The following CYREN variants were observed in gnomAD, a reference collection of about 807,000 sequenced individuals.
CYREN encodes the protein cell cycle regulator of non-homologous end joining.
Under a neutral mutation model 9.7 loss-of-function variants are expected in CYREN, and 7 were observed. That is an observed-to-expected ratio of 0.72 (90% CI 0.41 to 1.36). The LOEUF is 1.36. Among genes scored for constraint, CYREN ranks in the 40% most tolerant of loss-of-function variants. The pLI is 0.01. For synonymous variants in CYREN, 76 were observed against 77.9 expected (o/e 0.98, Z 0.13); for missense variants, 215 against 198.1 (o/e 1.09, Z -0.51).
At chr7:135,159,033 A>G (rs563242630) in intron 2 of CYREN, among the ~76,000 whole-genome samples, 1 of 152,354 alleles carries the variant, frequency 6.6e-6, no homozygotes, top group South Asian at 2.1e-4. Context: ...GGCCAAGATT[A>G]TAAAAGTTTG....
intron 2 of CYREN, among the ~76,000 whole-genome samples, chr7:135,147,413 T>A (rs1457291232): frequency 1.3e-5 from 2 of 152,146 alleles, no homozygotes; most frequent in Non-Finnish European, 2.9e-5. Flanking sequence ...TAGGTAGCAG[T>A]CTCATGTAAC....
chr7:135,142,558 T>C (rs749284305), intron 2 of CYREN, among the ~76,000 whole-genome samples: 6 of 152,146 alleles, frequency 3.9e-5, no homozygotes, highest in Non-Finnish European at 5.9e-5. Flanking sequence ...ATCATGACTG[T>C]CTTTGTAGAA....
At chr7:135,136,215 T>C (rs1829341008) in intron 2 of CYREN, among the ~76,000 whole-genome samples, 1 of 151,912 alleles carries the variant, frequency 6.6e-6, no homozygotes, top group South Asian at 2.1e-4. Context: ...GTAGGAGAGG[T>C]ACATTAAAAA....
At chr7:135,172,206 G>A (rs1251691727), upstream of CYREN, among the ~76,000 whole-genome samples, 2 of 152,156 alleles carry the variant, frequency 1.3e-5, no homozygotes, top group African/African-American at 4.8e-5. Context: ...GGTAAGACTA[G>A]TCTTTGGAAC....
downstream of CYREN, chr7:135,164,437 TAG>T (rs769480682): frequency 1.3e-4 from 207 of 1,596,096 alleles, no homozygotes; most frequent in Non-Finnish European, 1.7e-4. Context: ...CAGAGGGCAG[TAG>T]AGATGGCCGG....
intron 2 of CYREN, among the ~76,000 whole-genome samples, chr7:135,125,357 C>T (rs186410197): frequency 6.6e-6 from 1 of 152,162 alleles, no homozygotes; most frequent in Admixed American, 6.5e-5. Context: ...AGTCGGATCC[C>T]TGAATAGACC....
chr7:135,105,633 G>A (rs1248403022), intron 2 of CYREN, among the ~76,000 whole-genome samples: 1 of 152,138 alleles, frequency 6.6e-6, no homozygotes, highest in African/African-American at 2.4e-5. Flanking sequence ...GGTTACTATA[G>A]CCCTATAATA....
intron 2 of CYREN, among the ~76,000 whole-genome samples, chr7:135,105,714 G>T (rs1230094027): frequency 3.3e-5 from 5 of 151,866 alleles, no homozygotes; most frequent in Non-Finnish European, 7.4e-5. Context: ...TGCTATTTGG[G>T]CTTTTGTTTG....
chr7:135,125,996 C>G (rs1827821205), intron 2 of CYREN, among the ~76,000 whole-genome samples: 1 of 152,138 alleles, frequency 6.6e-6, no homozygotes, highest in Non-Finnish European at 1.5e-5. Flanking sequence ...GACAAGGATG[C>G]CCTCTCTCAC....
intron 2 of CYREN, 79 bp downstream of exon 2, chr7:135,168,707 G>A: frequency 1.3e-6 from 2 of 1,548,832 alleles, no homozygotes; most frequent in Non-Finnish European, 1.7e-6. Flanking sequence ...TGCCTAGGCT[G>A]GAAGACCTGG....
At chr7:135,164,976 G>A, downstream of CYREN, 1 of 1,602,342 alleles carries the variant, frequency 6.2e-7, no homozygotes, top group Non-Finnish European at 8.5e-7. Flanking sequence ...TGAGAGGGCT[G>A]AGAGCAAGCT....
intron 2 of CYREN, among the ~76,000 whole-genome samples, chr7:135,115,012 T>A (rs895268702): frequency 5.3e-5 from 8 of 152,198 alleles, no homozygotes; most frequent in Admixed American, 5.2e-4. Context: ...AACACACTAC[T>A]ATTCTCCTAC....
At chr7:135,148,276 T>C (rs1241703688) in intron 2 of CYREN, 1 of 362,160 alleles carries the variant, frequency 2.8e-6, no homozygotes, top group Non-Finnish European at 5.4e-6. Flanking sequence ...TTTCTGTAAG[T>C]ACCGATCCTG....
At chr7:135,099,973 C>T (rs28368533) in intron 2 of CYREN, 70,870 of 145,438 alleles carry the variant, frequency 0.49, 17,554 homozygotes, top group South Asian at 0.66. Flanking sequence ...CTGCAAGCTC[C>T]GCCTCCCAGG....
downstream of CYREN, chr7:135,164,499 C>T (rs1346769320): frequency 3.1e-6 from 5 of 1,612,776 alleles, no homozygotes; most frequent in Admixed American, 1.7e-5. Flanking sequence ...CATCATAGTC[C>T]TCGTGATTGT....
At chr7:135,139,460 T>G (rs1431518837) in intron 2 of CYREN, among the ~76,000 whole-genome samples, 2 of 151,840 alleles carry the variant, frequency 1.3e-5, no homozygotes, top group African/African-American at 4.8e-5. Flanking sequence ...ACGTTTTTTA[T>G]AGATTCTTAA....
At chr7:135,101,389 A>C in intron 2 of CYREN, 1 of 370,416 alleles carries the variant, frequency 2.7e-6, no homozygotes, top group Non-Finnish European at 5.4e-6. Context: ...CTTTTGTAAA[A>C]GGATGAGATT....
chr7:135,159,367 C>CT (rs1279272797), intron 2 of CYREN, among the ~76,000 whole-genome samples: 3 of 152,226 alleles, frequency 2.0e-5, no homozygotes, highest in Non-Finnish European at 4.4e-5. Flanking sequence ...ATTTGTGTCT[C>CT]TTTCAGCCGC....
At chr7:135,148,187 C>T (rs1042963771) in intron 2 of CYREN, 7 of 431,738 alleles carry the variant, frequency 1.6e-5, no homozygotes, top group Admixed American at 9.0e-5. Flanking sequence ...AGAAAGCCAG[C>T]GAGAAGGAAG....
Sources: gnomAD v4.1 joint callset for allele counts (sites outside exome capture counted in the v4.1 genomes callset) on GRCh38, gnomAD v4.1.1 for gene constraint, MANE v1.5 for transcripts, NCBI Gene and HGNC (gene_info 2026-07-23, HGNC 2026-07-21) for gene names.